The following FRMD6 variants were observed in gnomAD, a reference collection of about 807,000 sequenced individuals.
FRMD6 encodes FERM domain-containing protein 6.
In FRMD6, 37 loss-of-function variants were observed where a neutral mutation model predicts 73.2. The ratio of observed to expected loss-of-function variants is 0.51; its 90% CI spans 0.39 to 0.66. The LOEUF is 0.66. Ranked by LOEUF, FRMD6 falls within the 30% of genes least tolerant of loss-of-function variation. FRMD6 has a pLI of 0.00. For synonymous variants in FRMD6, 273 were observed against 282.2 expected, an observed-to-expected ratio of 0.97 and a Z score of 0.33; for missense variants, 714 against 780.5, an observed-to-expected ratio of 0.91 and a Z score of 1.02.
At chr14:51,546,732 G>A (rs554008551) in intron 1 of FRMD6, 2 of 152,156 alleles carry the variant, frequency 1.3e-5, no homozygotes, top group East Asian at 1.9e-4. Context: ...TGTAGAGCTA[G>A]CACACTGCTT....
At chr14:51,471,740 C>T in the FRMD6 span, among the ~76,000 whole-genome samples, 39 of 151,794 alleles carry the variant, frequency 2.6e-4, no homozygotes, top group African/African-American at 8.9e-4. Context: ...AGATAAATGA[C>T]AAGAGTCCAA....
intron 2 of FRMD6, among the ~76,000 whole-genome samples, chr14:51,634,626 A>C (rs1176022372): frequency 6.6e-6 from 1 of 152,232 alleles, no homozygotes; most frequent in Non-Finnish European, 1.5e-5. Flanking sequence ...AAAAAAGATA[A>C]ATTTACTAAA....
At position 51,691,584 on chromosome 14, in the gene FRMD6, TTTGA is replaced by T. The variant is rs1456056764; in HGVS notation, c.99+1652_99+1655del. On this transcript the variant is annotated intron_variant, in intron 2 of 13. Transcript: ENST00000344768. ...TATATTTTTATTTATTTATTTTGAT[TTTGA>T]TTTTTTTTTTTTTTTTTTTTTTTTG... 2.0e-3 allele frequency among the ~76,000 whole-genome samples: 260 copies of T among 127,196 alleles called. 6 individuals carry two copies. The highest frequency in any genetic ancestry group is 5.8e-3 in the East Asian group (25 of 4,306). The allele number at this position is 127,196 out of a possible 152,430, so 83.4% of individuals were successfully genotyped here.
At chr14:51,425,896 T>A in the FRMD6 span, among the ~76,000 whole-genome samples, 1 of 152,240 alleles carries the variant, frequency 6.6e-6, no homozygotes, top group Non-Finnish European at 1.5e-5. Flanking sequence ...GAAGTCTGTT[T>A]TTTTCAGCAC....
intron 2 of FRMD6, among the ~76,000 whole-genome samples, chr14:51,606,433 G>C (rs1403190272): frequency 6.6e-6 from 1 of 152,062 alleles, no homozygotes; most frequent in Non-Finnish European, 1.5e-5. Flanking sequence ...ACCCCTGCTG[G>C]GCACTCTGCA....
the FRMD6 span, among the ~76,000 whole-genome samples, chr14:51,424,285 C>T: frequency 1.3e-5 from 2 of 152,158 alleles, no homozygotes; most frequent in African/African-American, 4.8e-5. Context: ...GATGACAGAA[C>T]CTGTACTGAG....
chr14:51,597,779 A>G (rs990896229), intron 2 of FRMD6, among the ~76,000 whole-genome samples: 4 of 152,254 alleles, frequency 2.6e-5, no homozygotes, highest in African/African-American at 9.6e-5. Flanking sequence ...CCAAGACCAG[A>G]TGATCTCTAA....
chr14:51,695,844 T>TAAACC (rs1895911085), intron 2 of FRMD6, among the ~76,000 whole-genome samples: 1 of 152,164 alleles, frequency 6.6e-6, no homozygotes, highest in Non-Finnish European at 1.5e-5. Context: ...AAAAGAGCAG[T>TAAACC]AAACCCATTC....
chr14:51,651,465 C>A (rs1051115415), upstream of FRMD6: 3 of 152,282 alleles, frequency 2.0e-5, no homozygotes, highest in African/African-American at 7.2e-5. Flanking sequence ...CTGGAGGGAG[C>A]GCCCCGAGGG....
chr14:51,575,275 G>A (rs1888340668), intron 2 of FRMD6, among the ~76,000 whole-genome samples: 2 of 152,144 alleles, frequency 1.3e-5, no homozygotes, highest in Non-Finnish European at 2.9e-5. Flanking sequence ...TAAAAACTGG[G>A]GAGAAAGGAA....
At chr14:51,699,141 C>G (rs969497638) in intron 3 of FRMD6, among the ~76,000 whole-genome samples, 1 of 152,026 alleles carries the variant, frequency 6.6e-6, no homozygotes, top group African/African-American at 2.4e-5. Flanking sequence ...AAACAAGGCC[C>G]CTTTCCCCCA....
the FRMD6 span, among the ~76,000 whole-genome samples, chr14:51,445,587 A>G: frequency 4.0e-3 from 610 of 152,278 alleles, 4 homozygotes; most frequent in African/African-American, 0.014. Context: ...CTGAGGTCCA[A>G]AAGGATTAGG....
intron 2 of FRMD6, among the ~76,000 whole-genome samples, chr14:51,645,094 G>T (rs1023162819): frequency 6.6e-6 from 1 of 152,270 alleles, no homozygotes; most frequent in Non-Finnish European, 1.5e-5. Context: ...TAATTTATTA[G>T]GCTACCTTTG....
intron 2 of FRMD6, among the ~76,000 whole-genome samples, chr14:51,609,858 C>T (rs1225006522): frequency 1.3e-5 from 2 of 152,112 alleles, no homozygotes; most frequent in Admixed American, 6.5e-5. Flanking sequence ...TATGGATCTT[C>T]TCATCCAAAA....
intron 1 of FRMD6, among the ~76,000 whole-genome samples, chr14:51,514,740 C>T (rs181055401): frequency 2.0e-5 from 3 of 152,174 alleles, no homozygotes; most frequent in African/African-American, 7.2e-5. Context: ...CCCAGCTACT[C>T]GGGTGGCTGA....
chr14:51,585,468 A>G (rs1370655991), intron 2 of FRMD6, among the ~76,000 whole-genome samples: 4 of 152,146 alleles, frequency 2.6e-5, no homozygotes, highest in Non-Finnish European at 5.9e-5. Flanking sequence ...GATTTAGCAG[A>G]TTATAAATTG....
At chr14:51,598,954 T>C (rs533971781) in intron 2 of FRMD6, among the ~76,000 whole-genome samples, 2 of 152,230 alleles carry the variant, frequency 1.3e-5, no homozygotes, top group East Asian at 3.9e-4. Context: ...TTTTAAGTTC[T>C]TTAAGAAATC....
intron 6 of FRMD6, among the ~76,000 whole-genome samples, chr14:51,705,648 A>T (rs547678920): frequency 1.3e-5 from 2 of 152,134 alleles, no homozygotes; most frequent in Non-Finnish European, 2.9e-5. Flanking sequence ...TCAGTAAAGC[A>T]TCTTGAAGAG....
chr14:51,616,193 T>C (rs1204976403), intron 2 of FRMD6, among the ~76,000 whole-genome samples: 3 of 152,124 alleles, frequency 2.0e-5, no homozygotes, highest in African/African-American at 4.8e-5. Context: ...CATTTTCTGA[T>C]GAAGTGGGAG....
Sources: gnomAD v4.1 joint callset for allele counts (sites outside exome capture counted in the v4.1 genomes callset) on GRCh38, gnomAD v4.1.1 for gene constraint, MANE v1.5 for transcripts, NCBI Gene and HGNC (gene_info 2026-07-23, HGNC 2026-07-21) for gene names.